Variants in FREM1 observed in about 807,000 individuals in gnomAD.
FREM1 encodes FRAS1-related extracellular matrix protein 1.
Under a neutral mutation model 210.1 loss-of-function variants are expected in FREM1, and 220 were observed. That is an observed-to-expected ratio of 1.05 (90% confidence interval 0.94 to 1.17). The LOEUF (loss-of-function observed/expected upper bound fraction) is 1.17, where lower values mean the gene tolerates loss of function less well. Ranked by LOEUF, FREM1 falls within the 50% of genes most tolerant of loss-of-function variation. The pLI, the probability that FREM1 is intolerant of heterozygous loss-of-function variation, is 0.00. For synonymous variants in FREM1, 1,189 were observed against 980.2 expected (o/e 1.21, Z -3.98); for missense variants, 3,454 against 2,675.5 (o/e 1.29, Z -6.42).
intron 35 of FREM1, among the ~76,000 whole-genome samples, chr9:14,743,236 G>A (rs1354273900): frequency 6.6e-6 from 1 of 151,990 alleles, no homozygotes; most frequent in African/African-American, 2.4e-5. Context: ...TAGGCCTTAA[G>A]TTTATTATTG....
At chr9:14,758,732 A>G (rs1014995574) in intron 28 of FREM1, among the ~76,000 whole-genome samples, 12 of 152,070 alleles carry the variant, frequency 7.9e-5, no homozygotes, top group African/African-American at 2.9e-4. Context: ...AGTGTGTACA[A>G]GTGTTTCATG....
At chr9:14,810,796 G>A (rs1208769201) in intron 16 of FREM1, among the ~76,000 whole-genome samples, 1 of 152,114 alleles carries the variant, frequency 6.6e-6, no homozygotes, top group Non-Finnish European at 1.5e-5. Context: ...ATTATGGCCA[G>A]AATAAAGAGA....
At chr9:14,828,131 G>T (rs992510935) in intron 10 of FREM1, among the ~76,000 whole-genome samples, 1 of 152,156 alleles carries the variant, frequency 6.6e-6, no homozygotes, top group Non-Finnish European at 1.5e-5. Context: ...AATGTGCAAC[G>T]CCATCCAGGA....
chr9:14,794,399 G>A (rs756639105), intron 21 of FREM1, among the ~76,000 whole-genome samples: 6 of 152,192 alleles, frequency 3.9e-5, no homozygotes, highest in Non-Finnish European at 8.8e-5. Flanking sequence ...GTTAAGGGCT[G>A]TCCCCAGAGT....
chr9:14,737,444 G>GTCTT lies in FREM1; in HGVS notation c.6488_6491dup (p.Asp2164GlufsTer4), dbSNP rs772059208. Reference sequence around the variant, plus strand: ...AATTATGAGGTTTGGCTCTCCTACAGTCTTTTGTTTGCCATTTCCCTTGTC... The same window carrying GTCTT: ...AATTATGAGGTTTGGCTCTCCTACAGTCTTTCTTTTGTTTGCCATTTCCCTTGTC... On this transcript the variant is annotated frameshift_variant, in exon 37 of 37. Coordinates refer to ENST00000380880, the MANE Select transcript of FREM1 (RefSeq NM_001379081.2). LOFTEE classifies it high-confidence loss of function. 6.2e-7 allele frequency: 1 copy of GTCTT among 1,613,840 alleles called. No individual in the cohort carries two copies. The highest frequency in any genetic ancestry group is 1.3e-5 in the African/African-American group (1 of 75,014).
At chr9:14,822,535 G>C (rs1407977563) in intron 13 of FREM1, among the ~76,000 whole-genome samples, 3 of 152,116 alleles carry the variant, frequency 2.0e-5, no homozygotes, top group Admixed American at 6.5e-5. Flanking sequence ...GAATAATAAT[G>C]ACCATACTAA....
Position 14,824,992 on chromosome 9 carries a change from C to G in FREM1, c.1882G>C (p.Val628Leu), listed in dbSNP as rs879804890. The G allele has an allele frequency of 2.6e-6, 4 of 1,568,540 alleles. No individual in the cohort carries two copies. The Admixed American group carries it at 6.6e-5, about 26-fold the overall frequency. Reference protein sequence around the residue: ...HEPPNLSVPQVATIHITPVDD... With the variant: ...HEPPNLSVPQLATIHITPVDD... ...ACTGGAGTTATATGGATTGTTGCCA[C>G]CTGGAATAAAAATGTCTGTACCATT... The change falls in exon 11 of 37, where the codon GTG becomes CTG. Residue 628 changes from valine to leucine, a missense_variant and splice_region_variant. By Grantham distance (32) the Val-to-Leu change is conservative (BLOSUM62 1). Transcript: ENST00000380880.
chr9:14,829,985 G>A (rs2130942531), intron 10 of FREM1, among the ~76,000 whole-genome samples: 1 of 152,304 alleles, frequency 6.6e-6, no homozygotes, highest in African/African-American at 2.4e-5. Flanking sequence ...CATGGGTGAA[G>A]TGGAAGGGAG....
At chr9:14,897,519 G>A (rs551889697) in intron 1 of FREM1, among the ~76,000 whole-genome samples, 3 of 151,582 alleles carry the variant, frequency 2.0e-5, no homozygotes, top group African/African-American at 7.3e-5. Context: ...ATCATATACT[G>A]AGATGTAGTA....
intron 24 of FREM1, among the ~76,000 whole-genome samples, chr9:14,778,494 G>A (rs1849011118): frequency 6.7e-6 from 1 of 148,646 alleles, no homozygotes; most frequent in South Asian, 2.2e-4. Flanking sequence ...TGTAGCCCCA[G>A]CTACTAGGGA....
At chr9:14,828,642 G>GA (rs1822942639) in intron 10 of FREM1, among the ~76,000 whole-genome samples, 1 of 94,772 alleles carries the variant, frequency 1.1e-5, no homozygotes, top group Non-Finnish European at 2.6e-5. Flanking sequence ...TTGTGGCGGG[G>GA]CGGGGGAGGT....
chr9:14,768,153 G>A (rs1033258077), intron 27 of FREM1, among the ~76,000 whole-genome samples: 2 of 152,172 alleles, frequency 1.3e-5, no homozygotes, highest in South Asian at 4.1e-4. Context: ...ATTACTGGGG[G>A]AAGAAAATCC....
intron 24 of FREM1, among the ~76,000 whole-genome samples, chr9:14,781,629 C>G (rs1407084609): frequency 6.6e-6 from 1 of 152,226 alleles, no homozygotes; most frequent in Non-Finnish European, 1.5e-5. Context: ...ACACAACACA[C>G]ACACCTAAGT....
chr9:14,741,459 C>T (rs192284840), intron 35 of FREM1, among the ~76,000 whole-genome samples: 1 of 152,118 alleles, frequency 6.6e-6, no homozygotes, highest in Non-Finnish European at 1.5e-5. Flanking sequence ...GGCCTTAGAC[C>T]GCTGGATTGG....
At chr9:14,758,216 G>C (rs150804982) in intron 28 of FREM1, among the ~76,000 whole-genome samples, 7 of 152,302 alleles carry the variant, frequency 4.6e-5, no homozygotes, top group Admixed American at 3.9e-4. Flanking sequence ...CTCTGGGACT[G>C]TGCTTGATGA....
rs750404296 is a variant in FREM1 at position 14,776,114 on chromosome 9, C to G, written c.4532G>C (p.Arg1511Thr). ...TVDRALPVVT[R>T]NKGLRLAQGA... ...TTGGGCCAGTCTCAACCCCTTGTTC[C>G]TGGTTACCACAGGCAGGGCTCTGTC... is the stretch of plus-strand genomic sequence containing the variant. Residue 1511 changes from arginine to threonine, a missense_variant, in exon 25 of 37, where the codon AGG (arginine) becomes ACG (threonine). Transcript: ENST00000380880. 1 of 1,599,682 alleles carries G rather than the reference C, an allele frequency of 6.3e-7. No homozygotes were observed. Among genetic ancestry groups the G allele is most frequent in the Non-Finnish European group, 8.5e-7 (1 of 1,171,416 alleles).
intron 16 of FREM1, among the ~76,000 whole-genome samples, chr9:14,810,893 A>G (rs1489331654): frequency 1.3e-5 from 2 of 152,182 alleles, no homozygotes; most frequent in Non-Finnish European, 2.9e-5. Flanking sequence ...GTACTTTTCC[A>G]TTCCTTCCAA....
chr9:14,778,394 T>C (rs920492794), intron 24 of FREM1, among the ~76,000 whole-genome samples: 7 of 151,416 alleles, frequency 4.6e-5, no homozygotes, highest in African/African-American at 1.7e-4. Flanking sequence ...GCAGATGGCT[T>C]GAGTCCAGGA....
chr9:14,841,398 G>T, intron 10 of FREM1, 49 bp downstream of exon 10: 2 of 1,445,674 alleles, frequency 1.4e-6, no homozygotes, highest in South Asian at 1.6e-5. Flanking sequence ...TCCTAGAATT[G>T]ACACCTGTGC....
Sources: gnomAD v4.1 joint callset for allele counts (sites outside exome capture counted in the v4.1 genomes callset) on GRCh38, gnomAD v4.1.1 for gene constraint, MANE v1.5 for transcripts, NCBI Gene and HGNC (gene_info 2026-07-23, HGNC 2026-07-21) for gene names.